The following ESRRG variants were observed in gnomAD, a reference collection of about 807,000 sequenced individuals.
The protein encoded by ESRRG is estrogen-related receptor gamma.
In ESRRG, 13 loss-of-function variants were observed where a neutral mutation model predicts 44.0. That is an observed-to-expected ratio of 0.30 (90% confidence interval 0.19 to 0.47). ESRRG has a LOEUF of 0.47. Among genes scored for constraint, ESRRG ranks in the 20% least tolerant of loss-of-function variants. The pLI is 1.00. For missense variants in ESRRG, 395 were observed against 580.6 expected, an observed-to-expected ratio of 0.68 and a Z score of 3.29; for synonymous variants, 215 against 214.6, an observed-to-expected ratio of 1.00 and a Z score of -0.02.
intron 3 of ESRRG, among the ~76,000 whole-genome samples, chr1:216,620,610 C>T (rs1414116393): frequency 1.3e-5 from 2 of 152,136 alleles, no homozygotes; most frequent in African/African-American, 4.8e-5. Flanking sequence ...CCAATCCTCC[C>T]TTCACCTCTA....
At chr1:216,847,503 C>T (rs1211017108) in intron 2 of ESRRG, among the ~76,000 whole-genome samples, 1 of 151,918 alleles carries the variant, frequency 6.6e-6, no homozygotes, top group Non-Finnish European at 1.5e-5. Context: ...ACGCTTTTTG[C>T]ATTCTGTCAT....
chr1:216,508,450 T>C (rs1053679352), intron 6 of ESRRG, among the ~76,000 whole-genome samples: 1 of 152,242 alleles, frequency 6.6e-6, no homozygotes, highest in African/African-American at 2.4e-5. Flanking sequence ...AAGTATTTAC[T>C]GCTCAAGACT....
At chr1:216,948,477 A>T (rs1365716604) in intron 1 of ESRRG, among the ~76,000 whole-genome samples, 10 of 3,720 alleles carry the variant, frequency 2.7e-3, no homozygotes, top group Non-Finnish European at 3.3e-3. Context: ...ACTCCATCTC[A>T]AAAAAAAAAA....
At chr1:216,542,588 T>C (rs1242877812) in intron 5 of ESRRG, among the ~76,000 whole-genome samples, 1 of 152,044 alleles carries the variant, frequency 6.6e-6, no homozygotes, top group Non-Finnish European at 1.5e-5. Context: ...GTAGCATTTG[T>C]TACACATATA....
intron 2 of ESRRG, among the ~76,000 whole-genome samples, chr1:216,847,049 G>A (rs2095762682): frequency 6.6e-6 from 1 of 152,134 alleles, no homozygotes; most frequent in South Asian, 2.1e-4. Context: ...TCACCAGCAG[G>A]GTGACTACTG....
intron 3 of ESRRG, among the ~76,000 whole-genome samples, chr1:216,630,815 C>A (rs964173650): frequency 2.0e-5 from 3 of 151,992 alleles, no homozygotes; most frequent in Middle Eastern, 3.2e-3. Context: ...GTGAGTGTGA[C>A]GTCCACTGCA....
intron 2 of ESRRG, among the ~76,000 whole-genome samples, chr1:216,740,090 C>A (rs571079412): frequency 6.6e-6 from 1 of 152,254 alleles, no homozygotes; most frequent in African/African-American, 2.4e-5. Context: ...CTTAATAGCC[C>A]CGACCTGTGC....
chr1:216,551,402 C>CA (rs1301606163), intron 5 of ESRRG, among the ~76,000 whole-genome samples: 2 of 152,086 alleles, frequency 1.3e-5, no homozygotes, highest in Non-Finnish European at 2.9e-5. Flanking sequence ...TCAGATGTCT[C>CA]AAAAAATATC....
chr1:217,051,888 G>C (rs1321314244), intron 1 of ESRRG, among the ~76,000 whole-genome samples: 2 of 150,982 alleles, frequency 1.3e-5, no homozygotes, highest in East Asian at 3.9e-4. Context: ...TCAGCCTCCT[G>C]AGTAGTTGGA....
intron 1 of ESRRG, among the ~76,000 whole-genome samples, chr1:216,701,130 G>C (rs1215323082): frequency 7.0e-5 from 3 of 42,730 alleles, no homozygotes; most frequent in Non-Finnish European, 1.5e-4. Context: ...CAAGTTTGCG[G>C]AGTTTGGGGG....
intron 5 of ESRRG, among the ~76,000 whole-genome samples, chr1:216,535,903 A>G (rs1484474773): frequency 1.3e-5 from 2 of 152,044 alleles, no homozygotes; most frequent in East Asian, 3.9e-4. Context: ...CTTTTGCACT[A>G]AATTCATCTC....
At chr1:217,065,158 C>T (rs2089420529) in intron 1 of ESRRG, among the ~76,000 whole-genome samples, 2 of 152,204 alleles carry the variant, frequency 1.3e-5, no homozygotes, top group African/African-American at 2.4e-5. Flanking sequence ...TTCTGCTGCT[C>T]AGAATGCTGA....
intron 2 of ESRRG, among the ~76,000 whole-genome samples, chr1:216,876,662 T>G (rs1360604740): frequency 6.6e-6 from 1 of 152,038 alleles, no homozygotes; most frequent in Non-Finnish European, 1.5e-5. Flanking sequence ...CTTATGGTTT[T>G]GGAAATTGTG....
chr1:217,098,306 A>G (rs1481501402), intron 1 of ESRRG, among the ~76,000 whole-genome samples: 1 of 150,780 alleles, frequency 6.6e-6, no homozygotes, highest in Admixed American at 6.6e-5. Flanking sequence ...AGTACATCAT[A>G]AAACACTCAT....
intron 1 of ESRRG, among the ~76,000 whole-genome samples, chr1:217,025,138 A>C (rs1296963881): frequency 6.6e-6 from 1 of 152,222 alleles, no homozygotes; most frequent in Non-Finnish European, 1.5e-5. Flanking sequence ...TAAGTCCCAG[A>C]GTCTACAGCA....
chr1:216,603,333 T>C (rs1218317917), intron 3 of ESRRG, among the ~76,000 whole-genome samples: 1 of 152,226 alleles, frequency 6.6e-6, no homozygotes, highest in Admixed American at 6.5e-5. Flanking sequence ...AAAAGACTGA[T>C]ACAATCTGTG....
chr1:217,047,689 T>C (rs1363505464), intron 1 of ESRRG, among the ~76,000 whole-genome samples: 9 of 152,132 alleles, frequency 5.9e-5, no homozygotes, highest in Admixed American at 5.9e-4. Flanking sequence ...GGGAAGCAGA[T>C]GGGAATGACC....
chr1:216,775,738 AT>A (rs536253663), intron 2 of ESRRG, among the ~76,000 whole-genome samples: 56 of 150,610 alleles, frequency 3.7e-4, no homozygotes, highest in African/African-American at 1.3e-3. Context: ...TTATTTTTGT[AT>A]TTTTTTGTAG....
At chr1:216,799,893 C>T (rs961454725) in intron 2 of ESRRG, among the ~76,000 whole-genome samples, 1 of 152,118 alleles carries the variant, frequency 6.6e-6, no homozygotes, top group Non-Finnish European at 1.5e-5. Context: ...GGGATTATCA[C>T]TTATGTAGCC....
Sources: gnomAD v4.1 joint callset for allele counts (sites outside exome capture counted in the v4.1 genomes callset) on GRCh38, gnomAD v4.1.1 for gene constraint, MANE v1.5 for transcripts, NCBI Gene and HGNC (gene_info 2026-07-23, HGNC 2026-07-21) for gene names.